Variants in SLC35F1 observed in about 807,000 individuals in gnomAD.
SLC35F1 encodes solute carrier family 35 member F1.
SLC35F1 carries 14 observed loss-of-function variants against 48.7 expected under a neutral mutation model. That is an observed-to-expected ratio of 0.29 (90% CI 0.19 to 0.45). The LOEUF is 0.45. SLC35F1 is among the 20% of genes least tolerant of loss of function. The probability of loss-of-function intolerance (pLI) is 1.00; values close to 1 mark genes in which losing one functional copy is unlikely to be tolerated. For missense variants in SLC35F1, 404 were observed against 500.0 expected (o/e 0.81, Z 1.83); for synonymous variants, 190 against 202.2 (o/e 0.94, Z 0.51).
chr6:117,925,943 G>C (rs1041553298), intron 1 of SLC35F1, among the ~76,000 whole-genome samples: 2 of 152,182 alleles, frequency 1.3e-5, no homozygotes, highest in African/African-American at 4.8e-5. Flanking sequence ...TTATTTATTT[G>C]ATAAACATTT....
At chr6:118,045,802 T>C (rs1582636361) in intron 1 of SLC35F1, among the ~76,000 whole-genome samples, 1 of 152,218 alleles carries the variant, frequency 6.6e-6, no homozygotes, top group East Asian at 1.9e-4. Flanking sequence ...AGAAGGATGC[T>C]ATGGTATTCT....
intron 7 of SLC35F1, among the ~76,000 whole-genome samples, chr6:118,287,186 A>G (rs1406703974): frequency 6.6e-5 from 10 of 152,180 alleles, no homozygotes; most frequent in African/African-American, 2.4e-4. Flanking sequence ...TGGGAAGACC[A>G]GCTTCCTTCA....
chr6:117,974,651 G>C (rs1776683675), intron 1 of SLC35F1, among the ~76,000 whole-genome samples: 1 of 152,152 alleles, frequency 6.6e-6, no homozygotes, highest in Admixed American at 6.5e-5. Context: ...AAGACCCAAA[G>C]AGCTTTGGTT....
At chr6:117,961,731 G>C (rs1582587228) in intron 1 of SLC35F1, among the ~76,000 whole-genome samples, 1 of 152,272 alleles carries the variant, frequency 6.6e-6, no homozygotes, top group South Asian at 2.1e-4. Flanking sequence ...CAAATGTAAT[G>C]TTTCCCAGTA....
At chr6:118,255,572 T>G (rs970371712) in intron 3 of SLC35F1, among the ~76,000 whole-genome samples, 1 of 152,212 alleles carries the variant, frequency 6.6e-6, no homozygotes, top group Admixed American at 6.5e-5. Flanking sequence ...AGATTTTCAG[T>G]GCATGGCAGT....
chr6:118,262,345 G>T (rs1582758026), intron 3 of SLC35F1, among the ~76,000 whole-genome samples: 1 of 152,186 alleles, frequency 6.6e-6, no homozygotes, highest in Admixed American at 6.5e-5. Context: ...GTGATTAAAG[G>T]CCACAGAGAA....
intron 1 of SLC35F1, among the ~76,000 whole-genome samples, chr6:118,064,442 A>G (rs1772584947): frequency 6.6e-6 from 1 of 152,190 alleles, no homozygotes; most frequent in Admixed American, 6.5e-5. Context: ...AAACCACAGC[A>G]CAATAGCCAT....
At chr6:118,084,891 T>C (rs1172388805) in intron 1 of SLC35F1, among the ~76,000 whole-genome samples, 1 of 152,176 alleles carries the variant, frequency 6.6e-6, no homozygotes, top group Non-Finnish European at 1.5e-5. Flanking sequence ...TTATCACTTC[T>C]GTCCCTGGTT....
At chr6:118,061,983 G>C (rs79083773) in intron 1 of SLC35F1, among the ~76,000 whole-genome samples, 1,636 of 152,180 alleles carry the variant, frequency 0.011, 23 homozygotes, top group African/African-American at 0.038. Flanking sequence ...CGGTCTGAGA[G>C]TTGGCGACCC....
chr6:118,209,009 C>G (rs1278937548), intron 2 of SLC35F1, among the ~76,000 whole-genome samples: 1 of 152,228 alleles, frequency 6.6e-6, no homozygotes, highest in African/African-American at 2.4e-5. Flanking sequence ...TCTTCCTTCT[C>G]TCTTTTCCCT....
rs553039862 is a variant in SLC35F1 at position 118,176,550 on chromosome 6, A to G, written c.349+21930A>G. Among the ~76,000 whole-genome samples, 4 of 152,190 alleles carry G rather than the reference A, an allele frequency of 2.6e-5. No individual in the cohort carries two copies. In the East Asian group the frequency reaches 5.8e-4, roughly 22 times the overall value. ...TTACTGGTCATAAAGTGTTGGTTAT[A>G]GAGATTTGGGAATATATCTTTAAAA... On this transcript the variant is annotated intron_variant, in intron 2 of 7. Coordinates refer to ENST00000360388, the MANE Select transcript of SLC35F1 (RefSeq NM_001029858.4).
chr6:118,029,446 A>G (rs1772007871), intron 1 of SLC35F1, among the ~76,000 whole-genome samples: 1 of 152,202 alleles, frequency 6.6e-6, no homozygotes, highest in Non-Finnish European at 1.5e-5. Context: ...CTATTTTATT[A>G]TAAGTTATTG....
chr6:118,082,830 A>G (rs994173979), intron 1 of SLC35F1, among the ~76,000 whole-genome samples: 1 of 152,178 alleles, frequency 6.6e-6, no homozygotes, highest in Non-Finnish European at 1.5e-5. Context: ...GCATAGTCCA[A>G]ATCTCAGGGA....
chr6:117,912,906 C>A (rs1775780976), intron 1 of SLC35F1, among the ~76,000 whole-genome samples: 1 of 152,128 alleles, frequency 6.6e-6, no homozygotes, highest in Non-Finnish European at 1.5e-5. Context: ...TGAACTTTTA[C>A]TTTCTCAAAA....
At chr6:118,181,700 G>C (rs176168) in intron 2 of SLC35F1, among the ~76,000 whole-genome samples, 6,335 of 151,754 alleles carry the variant, frequency 0.042, 259 homozygotes, top group African/African-American at 0.1. Flanking sequence ...GATTATAAAA[G>C]ATACACTTAA....
intron 1 of SLC35F1, among the ~76,000 whole-genome samples, chr6:117,967,267 A>G (rs906793005): frequency 6.6e-6 from 1 of 152,206 alleles, no homozygotes; most frequent in African/African-American, 2.4e-5. Context: ...AAGGATAGAA[A>G]ATACAGGAAA....
chr6:117,939,962 C>T (rs1776208264), intron 1 of SLC35F1, among the ~76,000 whole-genome samples: 1 of 152,130 alleles, frequency 6.6e-6, no homozygotes, highest in South Asian at 2.1e-4. Flanking sequence ...AATGAATGTG[C>T]ATGACTTCAG....
chr6:118,281,200 C>CTATATATATATATATA (rs756821926), intron 6 of SLC35F1, among the ~76,000 whole-genome samples: 1 of 119,964 alleles, frequency 8.3e-6, no homozygotes, highest in African/African-American at 3.1e-5. Context: ...CTCTCTCTCT[C>CTATATATATATATATA]TCTCTATATA....
intron 7 of SLC35F1, among the ~76,000 whole-genome samples, chr6:118,303,324 A>G (rs1481040850): frequency 6.6e-6 from 1 of 152,226 alleles, no homozygotes; most frequent in Non-Finnish European, 1.5e-5. Context: ...CCCCTATGCA[A>G]AAGAAAGATA....
Sources: gnomAD v4.1 joint callset for allele counts (sites outside exome capture counted in the v4.1 genomes callset) on GRCh38, gnomAD v4.1.1 for gene constraint, MANE v1.5 for transcripts, NCBI Gene and HGNC (gene_info 2026-07-23, HGNC 2026-07-21) for gene names.